AXIN1: variants seen among roughly 807,000 people sequenced by gnomAD.
AXIN1 encodes the protein axin 1.
AXIN1 carries 30 observed loss-of-function variants against 76.4 expected under a neutral mutation model. The observed-to-expected ratio is 0.39, with a 90% CI of 0.29 to 0.53. The LOEUF (loss-of-function observed/expected upper bound fraction) is 0.53, where lower values mean the gene tolerates loss of function less well. Ranked by LOEUF, AXIN1 falls within the 20% of genes least tolerant of loss-of-function variation. AXIN1 has a pLI of 0.66. For missense variants in AXIN1, 1,140 were observed against 1,198.8 expected (o/e 0.95, Z 0.72); for synonymous variants, 545 against 501.4 (o/e 1.09, Z -1.16).
intron 2 of AXIN1, among the ~76,000 whole-genome samples, chr16:333,674 T>C (rs2053740559): frequency 2.7e-5 from 4 of 148,274 alleles, no homozygotes; most frequent in Admixed American, 1.3e-4. Flanking sequence ...AAGGTGATGG[T>C]GCAAATTCCT....
chr16:334,862 C>A (rs1375197911), intron 2 of AXIN1, among the ~76,000 whole-genome samples: 1 of 151,994 alleles, frequency 6.6e-6, no homozygotes, highest in Non-Finnish European at 1.5e-5. Flanking sequence ...ACGCTAATTA[C>A]ACAGCACCCA....
At chr16:288,654 C>T (rs375259305) in intron 10 of AXIN1, among the ~76,000 whole-genome samples, 8 of 152,204 alleles carry the variant, frequency 5.3e-5, no homozygotes, top group East Asian at 1.9e-4. Flanking sequence ...GGCTTGTGGA[C>T]GGTGGGAACC....
chr16:293,764 C>A lies in AXIN1; in HGVS notation c.1956-46G>T, dbSNP rs2141487877. Reference sequence around the variant, plus strand: ...GTTGTGACTGTGGCCGACACCCTGGCCAGGTGGCCTGGTGGGGCTACACTC... The same window carrying A: ...GTTGTGACTGTGGCCGACACCCTGGACAGGTGGCCTGGTGGGGCTACACTC... On this transcript the variant is annotated intron_variant, in intron 7 of 10. Transcript: ENST00000262320. The surrounding 1 kb of genome is among the most constrained non-coding windows in gnomAD (Gnocchi z 4.6). 3 of 1,588,182 alleles carry A rather than the reference C, an allele frequency of 1.9e-6. No homozygotes were observed. In the East Asian group the frequency reaches 6.7e-5, roughly 35 times the overall value.
intron 2 of AXIN1, among the ~76,000 whole-genome samples, chr16:314,957 G>A (rs1330171951): frequency 2.0e-5 from 3 of 152,164 alleles, no homozygotes; most frequent in African/African-American, 4.8e-5. Context: ...GCATCCACAC[G>A]TGATCATTTG....
chr16:338,677 C>G (rs3848366), intron 2 of AXIN1, among the ~76,000 whole-genome samples: 30,673 of 152,262 alleles, frequency 0.2, 3,317 homozygotes, highest in South Asian at 0.28. Flanking sequence ...AATTCCAGCA[C>G]TTTGGGAGGC....
At chr16:308,217 C>A (rs907220467) in intron 4 of AXIN1, among the ~76,000 whole-genome samples, 3 of 152,226 alleles carry the variant, frequency 2.0e-5, no homozygotes, top group Non-Finnish European at 4.4e-5. Flanking sequence ...CCTGAGGGCT[C>A]TGTGCTTCCC....
rs573306692 is a variant in AXIN1, at chr16:321,620, T to C, written c.879-6937A>G. Among the ~76,000 whole-genome samples, 69 of 152,310 alleles carry C rather than the reference T, an allele frequency of 4.5e-4. 2 individuals carry two copies. In the South Asian group the frequency reaches 0.014, roughly 32 times the overall value. On this transcript the variant is annotated intron_variant, in intron 2 of 10. Coordinates refer to ENST00000262320, the MANE Select transcript of AXIN1 (RefSeq NM_003502.4). ...CCAACCCACGAAGGGTTAAACCCTCTCACAGCTGGGAATATGAGGTAGGTG... is the reference window on the plus strand; with the variant it reads ...CCAACCCACGAAGGGTTAAACCCTCCCACAGCTGGGAATATGAGGTAGGTG...
intron 4 of AXIN1, among the ~76,000 whole-genome samples, chr16:308,565 T>G (rs1462508780): frequency 6.6e-6 from 1 of 152,242 alleles, no homozygotes; most frequent in Non-Finnish European, 1.5e-5. Context: ...TCAGCTGTCT[T>G]GTCTCTCGGG....
intron 2 of AXIN1, among the ~76,000 whole-genome samples, chr16:320,916 T>C (rs2053438385): frequency 1.3e-5 from 2 of 151,818 alleles, no homozygotes; most frequent in Admixed American, 6.6e-5. Context: ...ATTTTTGTAT[T>C]TTTAGTAGAG....
At chr16:347,155 A>C in intron 1 of AXIN1, 49 bp from the exon 2 acceptor site, 32 of 1,529,632 alleles carry the variant, frequency 2.1e-5, no homozygotes, top group Non-Finnish European at 2.8e-5. Context: ...GGGTCCATGA[A>C]ACACGACCAG....
chr16:317,049 C>A (rs907550831), intron 2 of AXIN1, among the ~76,000 whole-genome samples: 1 of 152,184 alleles, frequency 6.6e-6, no homozygotes, highest in Admixed American at 6.5e-5. Context: ...AGCACACCTG[C>A]GCATCAGAGT....
chr16:298,425 A>G (rs1374781213), intron 5 of AXIN1, among the ~76,000 whole-genome samples, 174 bp from the exon 6 acceptor site: 2 of 152,262 alleles, frequency 1.3e-5, no homozygotes, highest in Non-Finnish European at 2.9e-5. Context: ...GACGGGGCAT[A>G]GACAGAAGGA....
chr16:320,962 A>T (rs182148979), intron 2 of AXIN1, among the ~76,000 whole-genome samples: 193 of 151,982 alleles, frequency 1.3e-3, no homozygotes, highest in South Asian at 7.1e-3. Flanking sequence ...CTGGTCTCGA[A>T]CGCCTGACCT....
intron 7 of AXIN1, among the ~76,000 whole-genome samples, chr16:296,016 A>G (rs767253013): frequency 2.0e-5 from 3 of 152,238 alleles, no homozygotes; most frequent in Non-Finnish European, 4.4e-5. Context: ...CTGTAGTCCC[A>G]GCATTTTGGG....
chr16:311,872 C>T (rs1205635453), intron 3 of AXIN1, among the ~76,000 whole-genome samples: 2 of 152,184 alleles, frequency 1.3e-5, no homozygotes, highest in Admixed American at 6.5e-5. Flanking sequence ...CCAGGAGACA[C>T]AGGACGACTG....
intron 2 of AXIN1, among the ~76,000 whole-genome samples, chr16:329,879 C>T (rs1488070908): frequency 6.6e-6 from 1 of 151,380 alleles, no homozygotes; most frequent in Admixed American, 6.6e-5. Flanking sequence ...GTGATCCACC[C>T]GCCTCAGCCT....
intron 1 of AXIN1, among the ~76,000 whole-genome samples, chr16:350,487 T>C (rs1378419309): frequency 6.6e-6 from 1 of 152,218 alleles, no homozygotes. Context: ...CTTAGGCATA[T>C]GCTCCAGGCA....
At chr16:292,466 G>A (rs1016017397) in intron 8 of AXIN1, 1 of 152,236 alleles carries the variant, frequency 6.6e-6, no homozygotes, top group African/African-American at 2.4e-5. Flanking sequence ...GAACCCTGAT[G>A]CTGGTTCGGC....
At chr16:299,989 G>A (rs2052828125) in intron 5 of AXIN1, among the ~76,000 whole-genome samples, 1 of 151,170 alleles carries the variant, frequency 6.6e-6, no homozygotes, top group Non-Finnish European at 1.5e-5. Context: ...TTGAGACGGA[G>A]TTTCACTCTT....
Sources: allele counts gnomAD v4.1 joint callset (sites outside exome capture counted in the v4.1 genomes callset), GRCh38; gene constraint gnomAD v4.1.1; non-coding constraint Gnocchi (gnomAD v3.1); transcripts MANE v1.5; gene names NCBI Gene and HGNC (gene_info 2026-07-23, HGNC 2026-07-21).